Variants in P3H2 observed in about 807,000 individuals in gnomAD.
P3H2 encodes the protein leprecan-like 1.
P3H2 carries 80 observed loss-of-function variants against 87.0 expected under a neutral mutation model. That is an observed-to-expected ratio of 0.92 (90% CI 0.77 to 1.11). The LOEUF is 1.11. P3H2 is among the 50% of genes least tolerant of loss of function. P3H2 has a pLI of 0.00. For synonymous variants in P3H2, 367 were observed against 359.3 expected (o/e 1.02, Z -0.24); for missense variants, 1,001 against 923.9 (o/e 1.08, Z -1.08).
At chr3:190,031,637 G>GA (rs11405730) in intron 1 of P3H2, among the ~76,000 whole-genome samples, 116,951 of 148,802 alleles carry the variant, frequency 0.79, 45,902 homozygotes, top group East Asian at 0.86. Flanking sequence ...ACTCCATGTC[G>GA]AAAAAAAAAA....
intron 1 of P3H2, among the ~76,000 whole-genome samples, chr3:190,081,539 T>A (rs1007440392): frequency 2.6e-5 from 4 of 152,194 alleles, no homozygotes; most frequent in African/African-American, 7.2e-5. Flanking sequence ...AAAATGAGTC[T>A]GATTTCTAAA....
intron 1 of P3H2, among the ~76,000 whole-genome samples, chr3:190,069,865 T>C (rs943837364): frequency 1.3e-5 from 2 of 151,656 alleles, no homozygotes; most frequent in Non-Finnish European, 2.9e-5. Flanking sequence ...AGAGCAGTGG[T>C]GTAGATGGAA....
intron 10 of P3H2, among the ~76,000 whole-genome samples, chr3:189,973,624 C>G (rs1486803738): frequency 6.7e-6 from 1 of 149,402 alleles, no homozygotes; most frequent in Middle Eastern, 3.5e-3. Context: ...CCCAGGTTCA[C>G]GCCATTCTCC....
At chr3:190,008,879 G>A (rs1724477585) in intron 1 of P3H2, among the ~76,000 whole-genome samples, 1 of 151,912 alleles carries the variant, frequency 6.6e-6, no homozygotes, top group Admixed American at 6.6e-5. Context: ...GGGTGGGGTG[G>A]GAAATCAGGC....
At chr3:190,091,460 CCATT>C (rs1305117720) in intron 1 of P3H2, among the ~76,000 whole-genome samples, 1 of 152,114 alleles carries the variant, frequency 6.6e-6, no homozygotes, top group Non-Finnish European at 1.5e-5. Flanking sequence ...CCCCTATTTC[CCATT>C]ATTACTAAGA....
chr3:190,076,058 G>A (rs111927465), intron 1 of P3H2, among the ~76,000 whole-genome samples: 1,646 of 151,770 alleles, frequency 0.011, 35 homozygotes, highest in African/African-American at 0.037. Flanking sequence ...ATTTCATTTC[G>A]TCTATTTAGT....
intron 8 of P3H2, among the ~76,000 whole-genome samples, chr3:189,978,764 T>G (rs1723430344): frequency 6.6e-6 from 1 of 151,500 alleles, no homozygotes; most frequent in Non-Finnish European, 1.5e-5. Flanking sequence ...ACTACCAGTC[T>G]TAAGCTGGTA....
chr3:189,978,449 G>A (rs781361493), intron 8 of P3H2, among the ~76,000 whole-genome samples: 1 of 152,146 alleles, frequency 6.6e-6, no homozygotes, highest in Non-Finnish European at 1.5e-5. Flanking sequence ...CTTAAGAGAA[G>A]GCTACTGGGA....
intron 1 of P3H2, among the ~76,000 whole-genome samples, chr3:190,117,758 G>T (rs766027643): frequency 1.3e-5 from 2 of 151,080 alleles, no homozygotes; most frequent in Admixed American, 6.6e-5. Context: ...GCTGGGGGAG[G>T]GGGGTGAAGG....
At chr3:189,972,561 T>C (rs1027609556) in intron 11 of P3H2, among the ~76,000 whole-genome samples, 2 of 152,220 alleles carry the variant, frequency 1.3e-5, no homozygotes, top group African/African-American at 2.4e-5. Flanking sequence ...ATGGTGACTA[T>C]GATTTCCATG....
chr3:189,973,503 C>CTTTTTTT (rs1723241550), intron 10 of P3H2, among the ~76,000 whole-genome samples: 1 of 38,522 alleles, frequency 2.6e-5, no homozygotes, highest in African/African-American at 7.2e-5. Flanking sequence ...TTCTTTCTTT[C>CTTTTTTT]TTTCTTTCTT....
rs869099221 is a variant in P3H2, at chr3:189,973,511, CTTTTTT to C, written c.1548+392_1548+397del. On this transcript the variant is annotated intron_variant, in intron 10 of 14. Transcript: ENST00000319332. Reference sequence around the variant, plus strand: ...AACTTTTTTCTTTCTTTCTTTCTTTCTTTTTTTTTTTTTTTTTTTTTTTTTTTAAGA... The same window carrying C: ...AACTTTTTTCTTTCTTTCTTTCTTTCTTTTTTTTTTTTTTTTTTTTTAAGA... Among the ~76,000 whole-genome samples the C allele has an allele frequency of 6.3e-3, 222 of 35,446 alleles. 1 individual carries two copies. Among genetic ancestry groups the C allele is most frequent in the Middle Eastern group, 0.023 (1 of 44 alleles). 23.3% of individuals were successfully genotyped at this position (35,446 alleles called of 152,430 possible). A position where few individuals can be genotyped will look rare whatever the true frequency, so the allele number is the denominator to read the frequency against.
chr3:190,041,091 CTATA>C lies in P3H2; in HGVS notation c.481-45653_481-45650del, dbSNP rs770776740. ...ACACACACACACACACTCTCTCTCT[CTATA>C]TATATATATATACTATATATATATA... On this transcript the variant is annotated intron_variant, in intron 1 of 14. Coordinates refer to ENST00000319332, the MANE Select transcript of P3H2 (RefSeq NM_018192.4). Among the ~76,000 whole-genome samples, 26 of 50,868 alleles carry C rather than the reference CTATA, an allele frequency of 5.1e-4. 2 individuals are homozygous for C. The highest frequency in any genetic ancestry group is 1.2e-3 in the Admixed American group (4 of 3,248). 33.4% of individuals were successfully genotyped at this position (50,868 alleles called of 152,430 possible). A position where few individuals can be genotyped will look rare whatever the true frequency, so the allele number is the denominator to read the frequency against.
chr3:189,976,680 C>T (rs553814704), intron 8 of P3H2, among the ~76,000 whole-genome samples: 16 of 152,264 alleles, frequency 1.1e-4, no homozygotes, highest in South Asian at 4.1e-4. Flanking sequence ...TATTAGTTGG[C>T]GTTAATATGA....
At chr3:190,071,844 A>G (rs1191416674) in intron 1 of P3H2, among the ~76,000 whole-genome samples, 1 of 152,186 alleles carries the variant, frequency 6.6e-6, no homozygotes, top group Non-Finnish European at 1.5e-5. Context: ...CTGCATACCT[A>G]TCTATAAACA....
rs963461637 is a variant in P3H2 at position 189,973,806 on chromosome 3, G to A, written c.1548+103C>T. Reference sequence around the variant, plus strand: ...CCCAAAGTGCTGGGATTACAGGCGTGAGCCACTGTGCCTGGCCACTTTTTT... The same window carrying A: ...CCCAAAGTGCTGGGATTACAGGCGTAAGCCACTGTGCCTGGCCACTTTTTT... On this transcript the variant is annotated intron_variant, in intron 10 of 14. Coordinates refer to ENST00000319332, the MANE Select transcript of P3H2 (RefSeq NM_018192.4). 7.0e-6 allele frequency: 6 copies of A among 863,240 alleles called. No homozygotes were observed. In the African/African-American group the frequency reaches 9.9e-5, roughly 14 times the overall value. The allele number at this position is 863,240 out of a possible 1,614,324, so 53.5% of individuals were successfully genotyped here.
rs558697115 is a variant in P3H2 at position 190,098,667 on chromosome 3, A to T, written c.480+21585T>A. Among the ~76,000 whole-genome samples, 14 of 152,258 alleles carry T rather than the reference A, an allele frequency of 9.2e-5. No homozygotes were observed. In the South Asian group the frequency reaches 2.9e-3, roughly 32 times the overall value. On this transcript the variant is annotated intron_variant, in intron 1 of 14. Transcript: ENST00000319332. ...TTTGAGTAACTTGCCCCAAATCAAAAAATAGTGTCTCGTTTATTTCTCTAG... is the reference window on the plus strand; with the variant it reads ...TTTGAGTAACTTGCCCCAAATCAAATAATAGTGTCTCGTTTATTTCTCTAG...
Position 190,117,944 on chromosome 3 carries a change from T to C in P3H2, c.480+2308A>G, listed in dbSNP as rs114092847. ...AAGACTTGTTCTGCTCTCAGAAATA[T>C]TGCTGGTAGAACTGAAATGAACACA... is the stretch of plus-strand genomic sequence containing the variant. On this transcript the variant is annotated intron_variant, in intron 1 of 14. Coordinates refer to ENST00000319332, the MANE Select transcript of P3H2 (RefSeq NM_018192.4). Among the ~76,000 whole-genome samples the C allele has an allele frequency of 2.9e-3, 435 of 152,284 alleles. 5 individuals carry two copies. The highest frequency in any genetic ancestry group is 0.01 in the African/African-American group (421 of 41,568).
At chr3:189,967,329 A>G (rs1723034089) in intron 13 of P3H2, among the ~76,000 whole-genome samples, 2 of 151,136 alleles carry the variant, frequency 1.3e-5, no homozygotes, top group Admixed American at 1.3e-4. Flanking sequence ...AAATTGTAGC[A>G]CTCTGAAAGG....
Sources: allele counts gnomAD v4.1 joint callset (sites outside exome capture counted in the v4.1 genomes callset), GRCh38; gene constraint gnomAD v4.1.1; transcripts MANE v1.5; gene names NCBI Gene and HGNC (gene_info 2026-07-23, HGNC 2026-07-21).